GPR158: variants seen among roughly 807,000 people sequenced by gnomAD.
GPR158 encodes the protein metabotropic glycine receptor.
Under a neutral mutation model 78.2 loss-of-function variants are expected in GPR158, and 30 were observed. That is an observed-to-expected ratio of 0.38 (90% CI 0.29 to 0.52). The LOEUF is 0.52. Among genes scored for constraint, GPR158 ranks in the 20% least tolerant of loss-of-function variants. GPR158 has a pLI of 0.83. For missense variants in GPR158, 1,463 were observed against 1,523.5 expected (o/e 0.96, Z 0.66); for synonymous variants, 581 against 591.1 (o/e 0.98, Z 0.25).
intron 1 of GPR158, among the ~76,000 whole-genome samples, chr10:25,184,169 A>G (rs377151641): frequency 1.3e-5 from 2 of 152,344 alleles, no homozygotes; most frequent in African/African-American, 4.8e-5. Flanking sequence ...GCAAAATGTA[A>G]ACCTTACTGC....
At chr10:25,363,759 T>C (rs1855676831) in intron 2 of GPR158, among the ~76,000 whole-genome samples, 1 of 150,964 alleles carries the variant, frequency 6.6e-6, no homozygotes, top group Non-Finnish European at 1.5e-5. Flanking sequence ...GATCCTCAGT[T>C]CAAGCACTTA....
chr10:25,254,706 G>T (rs978104033), intron 2 of GPR158, among the ~76,000 whole-genome samples: 1 of 152,130 alleles, frequency 6.6e-6, no homozygotes, highest in African/African-American at 2.4e-5. Flanking sequence ...AGAATATCTT[G>T]TTATTTTTGT....
At chr10:25,487,060 T>C (rs1835744940) in intron 5 of GPR158, among the ~76,000 whole-genome samples, 1 of 152,124 alleles carries the variant, frequency 6.6e-6, no homozygotes, top group South Asian at 2.1e-4. Context: ...CCCTTTTAAA[T>C]GGGAATCACG....
intron 2 of GPR158, chr10:25,393,704 G>A (rs1220615752): frequency 6.6e-6 from 1 of 152,132 alleles, no homozygotes; most frequent in Admixed American, 6.5e-5. Flanking sequence ...CATCCTCTTT[G>A]ACCTAGCAAG....
In GPR158 at chr10:25,466,317, G is replaced by A. The variant is rs1304340148; in HGVS notation, c.1336-334G>A. On this transcript the variant is annotated intron_variant, in intron 4 of 10. Coordinates refer to ENST00000376351, the MANE Select transcript of GPR158 (RefSeq NM_020752.3). ...CCGTGAGACCACGAACCCTTCGATC[G>A]AGAAAAGACCTTCAATCGGGAGAAG... The A allele has an allele frequency of 4.6e-5, 9 of 196,316 alleles. No homozygotes were observed. In the East Asian group the frequency reaches 1.1e-3, roughly 24 times the overall value. The allele number at this position is 196,316 out of a possible 1,614,324, so 12.2% of individuals were successfully genotyped here. A position where few individuals can be genotyped will look rare whatever the true frequency, so the allele number is the denominator to read the frequency against.
At chr10:25,317,845 C>T (rs2130473675) in intron 2 of GPR158, among the ~76,000 whole-genome samples, 1 of 152,088 alleles carries the variant, frequency 6.6e-6, no homozygotes, top group South Asian at 2.1e-4. Context: ...TCTTCTGCCT[C>T]AGCCTCCCCA....
intron 2 of GPR158, among the ~76,000 whole-genome samples, chr10:25,307,657 G>A (rs7912599): frequency 0.2 from 30,717 of 151,916 alleles, 5,224 homozygotes; most frequent in African/African-American, 0.47. Flanking sequence ...TTACAGGCAT[G>A]AGCCACCATA....
intron 2 of GPR158, among the ~76,000 whole-genome samples, chr10:25,293,293 CAG>C (rs763749711): frequency 7.9e-5 from 12 of 152,198 alleles, no homozygotes; most frequent in Middle Eastern, 6.8e-3. Flanking sequence ...TATATGGAGT[CAG>C]GGGAAGGTAG....
intron 5 of GPR158, among the ~76,000 whole-genome samples, chr10:25,525,365 T>TA (rs1836333635): frequency 6.6e-6 from 1 of 152,150 alleles, no homozygotes; most frequent in Non-Finnish European, 1.5e-5. Context: ...AGCTCAAAAG[T>TA]GGAAGCAATT....
At chr10:25,222,934 A>G (rs954080140) in intron 2 of GPR158, among the ~76,000 whole-genome samples, 1 of 152,164 alleles carries the variant, frequency 6.6e-6, no homozygotes, top group Non-Finnish European at 1.5e-5. Flanking sequence ...GTGTCCTTAC[A>G]GCGCATCTGT....
At chr10:25,461,331 G>A (rs756027996) in intron 4 of GPR158, among the ~76,000 whole-genome samples, 38 of 152,160 alleles carry the variant, frequency 2.5e-4, no homozygotes, top group Non-Finnish European at 5.0e-4. Context: ...CTACTCCAGT[G>A]AACACATGTA....
chr10:25,557,314 TC>T (rs1403919955), intron 6 of GPR158, among the ~76,000 whole-genome samples: 1 of 152,212 alleles, frequency 6.6e-6, no homozygotes, highest in Non-Finnish European at 1.5e-5. Context: ...ACCTCTCACT[TC>T]CTGCATTCGT....
intron 5 of GPR158, among the ~76,000 whole-genome samples, chr10:25,515,186 T>C (rs1836146791): frequency 6.6e-6 from 1 of 151,900 alleles, no homozygotes; most frequent in Non-Finnish European, 1.5e-5. Context: ...TCTTGGAGGC[T>C]TTGTTCATTT....
At chr10:25,502,311 G>A (rs868166132) in intron 5 of GPR158, among the ~76,000 whole-genome samples, 3 of 152,132 alleles carry the variant, frequency 2.0e-5, no homozygotes, top group African/African-American at 7.2e-5. Context: ...CCGTGACAGG[G>A]GAGAAAACTT....
intron 2 of GPR158, among the ~76,000 whole-genome samples, chr10:25,293,981 G>A (rs1299643241): frequency 2.0e-5 from 3 of 152,024 alleles, no homozygotes; most frequent in South Asian, 2.1e-4. Context: ...TCCTGACCTC[G>A]TGATTCACCT....
At position 25,302,442 on chromosome 10, in the gene GPR158, G is replaced by C. The variant is rs977373445; in HGVS notation, c.1008+81285G>C. ...TTGAAAAGCCCAAGATGTTTCCTAA[G>C]CCTTTCTAGTTTGGCAGGACTCAGC... On this transcript the variant is annotated intron_variant, in intron 2 of 10. Transcript: ENST00000376351. 2.0e-5 allele frequency among the ~76,000 whole-genome samples: 3 copies of C among 152,004 alleles called. No individual in the cohort carries two copies. In the East Asian group the frequency reaches 5.8e-4, roughly 29 times the overall value.
intron 4 of GPR158, among the ~76,000 whole-genome samples, chr10:25,419,017 T>C (rs550178831): frequency 9.2e-5 from 14 of 152,132 alleles, no homozygotes; most frequent in African/African-American, 2.4e-4. Flanking sequence ...ATATGTTAAT[T>C]ATGATGTTCT....
intron 5 of GPR158, among the ~76,000 whole-genome samples, chr10:25,523,910 A>G (rs1836317394): frequency 6.6e-6 from 1 of 152,190 alleles, no homozygotes; most frequent in South Asian, 2.1e-4. Context: ...TGCAGATGAA[A>G]CGATCTTATA....
chr10:25,516,510 C>T (rs1356178401), intron 5 of GPR158, among the ~76,000 whole-genome samples: 2 of 145,666 alleles, frequency 1.4e-5, no homozygotes, highest in African/African-American at 5.1e-5. Context: ...TTAGGTCTAA[C>T]GTTTAAATCT....
Sources: allele counts gnomAD v4.1 joint callset (sites outside exome capture counted in the v4.1 genomes callset), GRCh38; gene constraint gnomAD v4.1.1; transcripts MANE v1.5; gene names NCBI Gene and HGNC (gene_info 2026-07-23, HGNC 2026-07-21).